The following FKBP1B variants were observed in gnomAD, a reference collection of about 807,000 sequenced individuals.
FKBP1B encodes peptidyl-prolyl cis-trans isomerase FKBP1B.
Under a neutral mutation model 13.5 loss-of-function variants are expected in FKBP1B, and 4 were observed. That is an observed-to-expected ratio of 0.30 (90% CI 0.15 to 0.68). The LOEUF is 0.68. Among genes scored for constraint, FKBP1B ranks in the 30% least tolerant of loss-of-function variants. The pLI is 0.76. For synonymous variants in FKBP1B, 54 were observed against 53.6 expected (o/e 1.01, Z -0.03); for missense variants, 93 against 136.2 (o/e 0.68, Z 1.58).
chr2:24,061,476 C>A (rs1242890338), intron 3 of FKBP1B, among the ~76,000 whole-genome samples: 1 of 152,092 alleles, frequency 6.6e-6, no homozygotes, highest in Non-Finnish European at 1.5e-5. Context: ...AAAAAATAAA[C>A]TAGCTGAGGT....
At chr2:24,055,215 ATTG>A (rs1266394437) in intron 2 of FKBP1B, among the ~76,000 whole-genome samples, 14 of 100,370 alleles carry the variant, frequency 1.4e-4, no homozygotes, top group South Asian at 3.0e-4. Flanking sequence ...TTTTTTTGTC[ATTG>A]TTGTTGTTGT....
chr2:24,036,653 G>T, the FKBP1B span, among the ~76,000 whole-genome samples: 1 of 152,184 alleles, frequency 6.6e-6, no homozygotes, highest in Non-Finnish European at 1.5e-5. Flanking sequence ...AGCATCATTT[G>T]GAGTAGCTAA....
At chr2:24,038,617 T>C in the FKBP1B span, 9 of 1,614,170 alleles carry the variant, frequency 5.6e-6, no homozygotes, top group Middle Eastern at 1.6e-4. Flanking sequence ...CTCAGACTTA[T>C]GTTGATTGAA....
At chr2:24,052,985 A>AT (rs1663948882) in intron 1 of FKBP1B, among the ~76,000 whole-genome samples, 2 of 152,106 alleles carry the variant, frequency 1.3e-5, no homozygotes. Context: ...AAAAAAAAAA[A>AT]GTAAACTCTA....
At chr2:24,057,988 G>A (rs941018493) in intron 2 of FKBP1B, among the ~76,000 whole-genome samples, 61 of 152,034 alleles carry the variant, frequency 4.0e-4, no homozygotes, top group Admixed American at 4.6e-4. Flanking sequence ...CCTGAGGTCA[G>A]GAGTTCGAGA....
the FKBP1B span, among the ~76,000 whole-genome samples, chr2:24,040,777 G>C: frequency 1.3e-5 from 2 of 152,246 alleles, no homozygotes; most frequent in Non-Finnish European, 2.9e-5. Context: ...AGTACTTTGG[G>C]AGGCTGAGAC....
intron 1 of FKBP1B, 42 bp from the exon 2 acceptor site, chr2:24,053,860 C>T: frequency 1.3e-6 from 2 of 1,599,402 alleles, no homozygotes; most frequent in South Asian, 1.1e-5. Flanking sequence ...AGGTGTTTTT[C>T]CAATATCCTA....
At chr2:24,053,867 C>T in intron 1 of FKBP1B, 35 bp from the exon 2 acceptor site, 1 of 1,608,396 alleles carries the variant, frequency 6.2e-7, no homozygotes, top group East Asian at 2.2e-5. Flanking sequence ...TTTCCAATAT[C>T]CTACTCCTTC....
At chr2:24,058,671 A>G (rs1487548882) in intron 2 of FKBP1B, among the ~76,000 whole-genome samples, 1 of 152,198 alleles carries the variant, frequency 6.6e-6, no homozygotes, top group Admixed American at 6.5e-5. Context: ...TATCTGTGTG[A>G]ATGTATGTAG....
At chr2:24,041,821 G>A in the FKBP1B span, among the ~76,000 whole-genome samples, 4 of 131,338 alleles carry the variant, frequency 3.0e-5, no homozygotes, top group Non-Finnish European at 6.1e-5. Flanking sequence ...TGGCGCCACT[G>A]CACTCCAGCC....
In FKBP1B at chr2:24,053,922, G is replaced by T. The variant is rs1164413109; in HGVS notation, c.58G>T (p.Gly20Cys). 6.2e-7 allele frequency: 1 copy of T among 1,614,138 alleles called. No individual in the cohort carries two copies. The highest frequency in any genetic ancestry group is 8.5e-7 in the Non-Finnish European group (1 of 1,180,010). Residue 20 changes from glycine (G) to cysteine (C), a missense_variant, in exon 2 of 4, where the codon GGC (glycine) becomes TGC (cysteine). Transcript: ENST00000380986. ...TGCAGGAAGGACATTCCCCAAGAAG[G>T]GCCAAACGTGTGTGGTGCACTACAC... ...PGDGRTFPKK[G>C]QTCVVHYTGM...
chr2:24,062,762 A>G (rs573251099), intron 3 of FKBP1B, among the ~76,000 whole-genome samples: 1 of 152,316 alleles, frequency 6.6e-6, no homozygotes, highest in South Asian at 2.1e-4. Context: ...AGGGTGAACT[A>G]TGAACAAATG....
At chr2:24,060,052 A>G (rs1394104208) in intron 2 of FKBP1B, among the ~76,000 whole-genome samples, 1 of 152,084 alleles carries the variant, frequency 6.6e-6, no homozygotes, top group Non-Finnish European at 1.5e-5. Context: ...CAAGGTAGGC[A>G]TTTGGATTCT....
chr2:24,053,839 C>T, intron 1 of FKBP1B, 63 bp from the exon 2 acceptor site: 2 of 1,492,632 alleles, frequency 1.3e-6, no homozygotes, highest in South Asian at 1.1e-5. Context: ...CAGGATCATA[C>T]TTAATGTCCC....
the FKBP1B span, among the ~76,000 whole-genome samples, chr2:24,043,949 G>A: frequency 7.9e-5 from 12 of 151,896 alleles, no homozygotes; most frequent in South Asian, 2.1e-4. Flanking sequence ...GTTCTGCAGC[G>A]GCTTGCTAAA....
chr2:24,051,442 C>G (rs981814153), intron 1 of FKBP1B, among the ~76,000 whole-genome samples: 1 of 152,208 alleles, frequency 6.6e-6, no homozygotes, highest in Non-Finnish European at 1.5e-5. Context: ...GTGCTATGGT[C>G]TATTCTCATC....
In FKBP1B at chr2:24,063,100, C is replaced by G. The variant is rs1481813766; in HGVS notation, c.235C>G (p.Pro79Ala). 1 of 1,614,138 alleles carries G rather than the reference C, an allele frequency of 6.2e-7. No individual in the cohort carries two copies. The highest frequency in any genetic ancestry group is 1.1e-5 in the South Asian group (1 of 91,062). ...LGQRAKLTCT[P>A]DVAYGATGHP... ...GCAGAGGGCGAAGCTGACCTGCACC[C>G]CTGATGTGGCATATGGAGCCACGGG... Residue 79 changes from proline to alanine, a missense_variant, in exon 4 of 4, where the codon CCT becomes GCT. Pro to Ala is a conservative substitution (Grantham distance 27). Coordinates refer to ENST00000380986, the MANE Select transcript of FKBP1B (RefSeq NM_004116.5).
rs146290863 is a variant in FKBP1B at position 24,053,123 on chromosome 2, G to C, written c.38-779G>C. On this transcript the variant is annotated intron_variant, in intron 1 of 3. Transcript: ENST00000380986. ...TTGTTTTGTTTTGTTTTGTCTGTTT[G>C]TTTATTGTGACAGGGTCTTGCTCTG... Among the ~76,000 whole-genome samples the C allele has an allele frequency of 7.2e-3, 1,098 of 151,944 alleles. 10 individuals carry two copies. Among genetic ancestry groups the C allele is most frequent in the African/African-American group, 0.026 (1,057 of 41,438 alleles).
At chr2:24,062,028 G>C (rs1664416439) in intron 3 of FKBP1B, among the ~76,000 whole-genome samples, 1 of 123,500 alleles carries the variant, frequency 8.1e-6, no homozygotes, top group African/African-American at 2.7e-5. Context: ...CGCCACCACG[G>C]CCGGCTAATT....
Sources: gnomAD v4.1 joint callset for allele counts (sites outside exome capture counted in the v4.1 genomes callset) on GRCh38, gnomAD v4.1.1 for gene constraint, MANE v1.5 for transcripts, NCBI Gene and HGNC (gene_info 2026-07-23, HGNC 2026-07-21) for gene names.